CDKL1: variants seen among roughly 807,000 people sequenced by gnomAD.
CDKL1 encodes cyclin-dependent kinase-like 1.
In CDKL1, 41 loss-of-function variants were observed where a neutral mutation model predicts 42.0. The observed-to-expected ratio is 0.98, with a 90% CI of 0.76 to 1.27. The LOEUF (loss-of-function observed/expected upper bound fraction) is 1.27. Ranked by LOEUF, CDKL1 falls within the 50% of genes most tolerant of loss-of-function variation. CDKL1 has a pLI of 0.00. For synonymous variants in CDKL1, 153 were observed against 158.6 expected, an observed-to-expected ratio of 0.96 and a Z score of 0.26; for missense variants, 394 against 428.4, an observed-to-expected ratio of 0.92 and a Z score of 0.71.
intron 2 of CDKL1, chr14:50,378,202 T>C (rs767188567): frequency 1.5e-6 from 2 of 1,366,464 alleles, no homozygotes; most frequent in Admixed American, 1.9e-5. Flanking sequence ...ATCCCTCACA[T>C]GATGCAGGTG....
At chr14:50,335,384 G>T in intron 7 of CDKL1, 1 of 1,094,508 alleles carries the variant, frequency 9.1e-7, no homozygotes, top group Non-Finnish European at 1.3e-6. Flanking sequence ...CTACCCAGGT[G>T]AACAGATGCT....
chr14:50,391,182 C>T (rs2035247973), intron 2 of CDKL1, among the ~76,000 whole-genome samples: 1 of 152,104 alleles, frequency 6.6e-6, no homozygotes, highest in East Asian at 1.9e-4. Context: ...TTGTCTTTCT[C>T]TGTAATCTGA....
chr14:50,328,081 T>G lies in CDKL1; in HGVS notation c.*1993A>C, dbSNP rs944526190. ...TTTTCTCAGGTTTGTTTCATTACTG[T>G]ATGGTGAGACAACTGATTCACCACG... is the stretch of plus-strand genomic sequence containing the variant. On this transcript the variant is annotated 3_prime_UTR_variant, in exon 10 of 10. Coordinates refer to ENST00000395834, the MANE Select transcript of CDKL1 (RefSeq NM_004196.7). 2.6e-5 allele frequency: 4 copies of G among 152,240 alleles called. No homozygotes were observed. Among genetic ancestry groups the G allele is most frequent in the Admixed American group, 6.5e-5 (1 of 15,284 alleles). The allele number at this position is 152,240 out of a possible 1,614,324, so 9.4% of individuals were successfully genotyped here. A position where few individuals can be genotyped will look rare whatever the true frequency, so the allele number is the denominator to read the frequency against.
At chr14:50,331,730 T>A (rs943488593) in intron 9 of CDKL1, 7 of 371,818 alleles carry the variant, frequency 1.9e-5, no homozygotes, top group Admixed American at 1.3e-4. Context: ...CCAATCAGGA[T>A]TCTTCACAGT....
chr14:50,346,868 C>A (rs1489984753), intron 3 of CDKL1, among the ~76,000 whole-genome samples: 1 of 151,878 alleles, frequency 6.6e-6, no homozygotes, highest in Non-Finnish European at 1.5e-5. Context: ...AGGCTGGTCT[C>A]AAACCCCAGA....
At chr14:50,358,025 C>T in intron 3 of CDKL1, 1 of 1,353,252 alleles carries the variant, frequency 7.4e-7, no homozygotes, top group Non-Finnish European at 9.9e-7. Flanking sequence ...TCCTCTCACC[C>T]TGCAAGAGGC....
intron 2 of CDKL1, among the ~76,000 whole-genome samples, chr14:50,392,359 T>A (rs1433241343): frequency 6.6e-6 from 1 of 151,754 alleles, no homozygotes; most frequent in African/African-American, 2.4e-5. Flanking sequence ...GGCAGGAGAA[T>A]CTCTTGAACC....
Position 50,341,038 on chromosome 14 carries a change from T to C in CDKL1, c.649A>G (p.Thr217Ala). Residue 217 changes from threonine to alanine, a missense_variant, in exon 6 of 10, where the codon ACC becomes GCC. By Grantham distance (58) the Thr-to-Ala change is moderately conservative. Coordinates refer to ENST00000395834, the MANE Select transcript of CDKL1 (RefSeq NM_004196.7). ...GGACAAAAACACCACTTACCCAAGGTCTTCCTAATCAGATACAGCTGATCC... is the reference window on the plus strand; with the variant it reads ...GGACAAAAACACCACTTACCCAAGGCCTTCCTAATCAGATACAGCTGATCC... The part of the protein sequence containing the change: ...DVDQLYLIRK[T>A]LGDLIPRHQQ... 1 of 1,612,586 alleles carries C rather than the reference T, an allele frequency of 6.2e-7. No homozygotes were observed. Among genetic ancestry groups the C allele is most frequent in the Non-Finnish European group, 8.5e-7 (1 of 1,179,986 alleles).
At chr14:50,397,191 A>G (rs1162038773), upstream of CDKL1, 18 of 1,366,518 alleles carry the variant, frequency 1.3e-5, no homozygotes, top group Non-Finnish European at 1.7e-5. Context: ...AGCGGTCCAC[A>G]TTTCCCTGCA....
At chr14:50,340,071 T>G (rs1195148603) in intron 6 of CDKL1, among the ~76,000 whole-genome samples, 2 of 152,120 alleles carry the variant, frequency 1.3e-5, no homozygotes, top group Non-Finnish European at 2.9e-5. Flanking sequence ...CCTTGCACCT[T>G]AATAACCTTC....
Position 50,328,802 on chromosome 14 carries a change from G to A in CDKL1, c.*1272C>T, listed in dbSNP as rs1282015150. 1 of 151,826 alleles carries A rather than the reference G, an allele frequency of 6.6e-6. No homozygotes were observed. Among genetic ancestry groups the A allele is most frequent in the East Asian group, 1.9e-4 (1 of 5,188 alleles). The allele number at this position is 151,826 out of a possible 1,614,324, so 9.4% of individuals were successfully genotyped here. A position where few individuals can be genotyped will look rare whatever the true frequency, so the allele number is the denominator to read the frequency against. On this transcript the variant is annotated 3_prime_UTR_variant, in exon 10 of 10. Coordinates refer to ENST00000395834, the MANE Select transcript of CDKL1 (RefSeq NM_004196.7). The stretch of plus-strand genomic sequence containing the variant: ...CCCAGGAGTTCAAGACCAGCCTGGG[G>A]AACATGGCAAAACCCTGCCTCTACC...
chr14:50,348,476 G>A lies in CDKL1; in HGVS notation c.291-3418C>T, dbSNP rs564425509. On this transcript the variant is annotated intron_variant, in intron 3 of 9. Transcript: ENST00000395834. Reference sequence around the variant, plus strand: ...ACTGTTCTGAAAACAGGGGATTAAAGGACTGTACACATACAAAATGCTGAA... The same window carrying A: ...ACTGTTCTGAAAACAGGGGATTAAAAGACTGTACACATACAAAATGCTGAA... 3.9e-5 allele frequency among the ~76,000 whole-genome samples: 6 copies of A among 152,280 alleles called. No individual in the cohort carries two copies. The East Asian group carries it at 1.2e-3, about 29-fold the overall frequency.
At chr14:50,354,041 G>T (rs962504001) in intron 3 of CDKL1, among the ~76,000 whole-genome samples, 2 of 148,990 alleles carry the variant, frequency 1.3e-5, no homozygotes, top group East Asian at 3.9e-4. Context: ...TGCCACCTCC[G>T]CCTCCCGGGT....
Position 50,330,129 on chromosome 14 carries a change from T to C in CDKL1, c.1019A>G (p.Asn340Ser). 8 of 1,608,470 alleles carry C rather than the reference T, an allele frequency of 5.0e-6. No individual in the cohort carries two copies. The highest frequency in any genetic ancestry group is 6.8e-6 in the Non-Finnish European group (8 of 1,178,918). The change falls in exon 10 of 10, where the codon AAT becomes AGT. Residue 340 changes from asparagine (N) to serine (S), a missense_variant. By Grantham distance (46) the Asn-to-Ser change is conservative. Transcript: ENST00000395834. ...CTTGGTATCACAGTAGTACTTCTTATTATCCAAAGCTGGAAGGATGCTGCT... is the reference window on the plus strand; with the variant it reads ...CTTGGTATCACAGTAGTACTTCTTACTATCCAAAGCTGGAAGGATGCTGCT... Reference protein sequence around the residue: ...TGSSILPALDNKKYYCDTKKL... With the variant: ...TGSSILPALDSKKYYCDTKKL...
At chr14:50,336,811 T>A (rs2033302220) in intron 7 of CDKL1, among the ~76,000 whole-genome samples, 1 of 151,814 alleles carries the variant, frequency 6.6e-6, no homozygotes, top group Admixed American at 6.6e-5. Context: ...AAAAGAGATA[T>A]CCACTCTTAG....
chr14:50,337,673 T>C (rs944026250), intron 7 of CDKL1, among the ~76,000 whole-genome samples: 41 of 137,820 alleles, frequency 3.0e-4, no homozygotes, highest in African/African-American at 9.9e-4. Context: ...TATTTCTTTT[T>C]TTTCTTTCTT....
intron 2 of CDKL1, among the ~76,000 whole-genome samples, chr14:50,371,744 A>G (rs897077050): frequency 1.3e-5 from 2 of 152,230 alleles, no homozygotes; most frequent in African/African-American, 4.8e-5. Flanking sequence ...AGGCAGCTGC[A>G]GACACCCAGT....
At chr14:50,394,156 G>T (rs1254699410) in intron 2 of CDKL1, among the ~76,000 whole-genome samples, 3 of 152,224 alleles carry the variant, frequency 2.0e-5, no homozygotes, top group Non-Finnish European at 4.4e-5. Flanking sequence ...GCAAGAAACA[G>T]ATTTTCTTTC....
At chr14:50,397,243 G>C (rs374206785), upstream of CDKL1, 58 of 1,366,594 alleles carry the variant, frequency 4.2e-5, no homozygotes, top group Admixed American at 8.9e-4. Flanking sequence ...ATTCCCTTTG[G>C]TCCCTTGGAG....
Sources: gnomAD v4.1 joint callset for allele counts (sites outside exome capture counted in the v4.1 genomes callset) on GRCh38, gnomAD v4.1.1 for gene constraint, MANE v1.5 for transcripts, NCBI Gene and HGNC (gene_info 2026-07-23, HGNC 2026-07-21) for gene names.